The following GPC5 variants were observed in gnomAD, a reference collection of about 807,000 sequenced individuals.
GPC5 encodes glypican 5, also known as glypican-5.
A neutral mutation model predicts 53.9 loss-of-function variants in GPC5; 47 were observed. The ratio of observed to expected loss-of-function variants is 0.87; its 90% CI spans 0.69 to 1.11. The LOEUF (loss-of-function observed/expected upper bound fraction) is 1.11. Ranked by LOEUF, GPC5 falls within the 50% of genes most tolerant of loss-of-function variation. The pLI is 0.00. For synonymous variants in GPC5, 286 were observed against 263.3 expected, an observed-to-expected ratio of 1.09 and a Z score of -0.84; for missense variants, 748 against 713.1, an observed-to-expected ratio of 1.05 and a Z score of -0.56.
chr13:92,367,620 A>C (rs1281254392), intron 7 of GPC5, among the ~76,000 whole-genome samples: 1 of 152,188 alleles, frequency 6.6e-6, no homozygotes, highest in East Asian at 1.9e-4. Flanking sequence ...GCTGAAAATA[A>C]TTTTACCATT....
At chr13:92,430,132 A>T (rs1423323057) in intron 7 of GPC5, among the ~76,000 whole-genome samples, 1 of 152,062 alleles carries the variant, frequency 6.6e-6, no homozygotes, top group Non-Finnish European at 1.5e-5. Flanking sequence ...AAAAATTTAA[A>T]GAAAAAAAAA....
intron 7 of GPC5, among the ~76,000 whole-genome samples, chr13:92,586,192 G>T (rs1410834839): frequency 1.3e-5 from 2 of 152,174 alleles, no homozygotes; most frequent in East Asian, 3.8e-4. Context: ...TTTCCAGTGT[G>T]TTCCCTGAAA....
intron 2 of GPC5, among the ~76,000 whole-genome samples, chr13:91,491,832 G>A (rs1033373949): frequency 2.0e-5 from 3 of 152,168 alleles, no homozygotes; most frequent in Non-Finnish European, 2.9e-5. Context: ...AATCCAGGAT[G>A]TTCTTATTTC....
chr13:92,320,533 T>A (rs931326470), intron 7 of GPC5, among the ~76,000 whole-genome samples: 2 of 152,210 alleles, frequency 1.3e-5, no homozygotes, highest in Admixed American at 1.3e-4. Flanking sequence ...CATATAAATA[T>A]AGTCATTCCT....
intron 7 of GPC5, among the ~76,000 whole-genome samples, chr13:92,578,092 T>C (rs781208713): frequency 1.3e-5 from 2 of 152,184 alleles, no homozygotes; most frequent in South Asian, 2.1e-4. Flanking sequence ...GGTTGGCCAT[T>C]GGCTCCCAAT....
In GPC5 at chr13:92,727,502, T is replaced by C. The variant is rs149274831; in HGVS notation, c.1562-138780T>C. 1.8e-3 allele frequency among the ~76,000 whole-genome samples: 272 copies of C among 151,564 alleles called. 2 individuals are homozygous for C. The highest frequency in any genetic ancestry group is 0.01 in the South Asian group (50 of 4,828). On this transcript the variant is annotated intron_variant, in intron 7 of 7. Coordinates refer to ENST00000377067, the MANE Select transcript of GPC5 (RefSeq NM_004466.6). ...CCAGAAATCAAGCCTGCTTTCCAAC[T>C]GATTTCTGCATGGGTGTCCACCTTT...
At chr13:92,429,821 G>A (rs576245442) in intron 7 of GPC5, among the ~76,000 whole-genome samples, 15 of 152,190 alleles carry the variant, frequency 9.9e-5, no homozygotes, top group African/African-American at 3.6e-4. Context: ...ATTACTGGGA[G>A]CGTAATACTA....
chr13:92,298,359 A>C (rs1464022619), intron 7 of GPC5, among the ~76,000 whole-genome samples: 4 of 152,132 alleles, frequency 2.6e-5, no homozygotes. Flanking sequence ...CAATCAGTTC[A>C]AATTGTTACA....
intron 7 of GPC5, among the ~76,000 whole-genome samples, chr13:92,175,720 T>C (rs1357697141): frequency 6.6e-6 from 1 of 152,210 alleles, no homozygotes; most frequent in African/African-American, 2.4e-5. Flanking sequence ...GCAATTATAA[T>C]TAGAAATCTT....
chr13:92,112,205 A>G (rs2138929114), intron 6 of GPC5, among the ~76,000 whole-genome samples: 1 of 152,262 alleles, frequency 6.6e-6, no homozygotes, highest in East Asian at 1.9e-4. Context: ...TTAGAAATGA[A>G]AAGAGTAAGC....
At chr13:92,523,534 CT>C (rs1408095668) in intron 7 of GPC5, among the ~76,000 whole-genome samples, 1 of 152,010 alleles carries the variant, frequency 6.6e-6, no homozygotes, top group Non-Finnish European at 1.5e-5. Flanking sequence ...TGATCTCCAT[CT>C]TTCAAATATG....
intron 6 of GPC5, among the ~76,000 whole-genome samples, chr13:91,912,759 T>G (rs1429881152): frequency 2.0e-5 from 3 of 152,202 alleles, no homozygotes; most frequent in Non-Finnish European, 4.4e-5. Context: ...TAATAAAGAC[T>G]AATAGGAATA....
chr13:92,006,605 T>C (rs2040609107), intron 6 of GPC5, among the ~76,000 whole-genome samples: 1 of 152,182 alleles, frequency 6.6e-6, no homozygotes, highest in African/African-American at 2.4e-5. Context: ...TGATCTTGTA[T>C]CAAATGTAGT....
chr13:91,438,868 C>T (rs569445634), intron 1 of GPC5, among the ~76,000 whole-genome samples: 47 of 152,298 alleles, frequency 3.1e-4, no homozygotes, highest in African/African-American at 1.1e-3. Context: ...TGGCGGGCGC[C>T]CCTCCCCCAG....
At chr13:91,858,675 C>T (rs7984987) in intron 5 of GPC5, among the ~76,000 whole-genome samples, 29,401 of 151,636 alleles carry the variant, frequency 0.19, 3,248 homozygotes, top group East Asian at 0.31. Context: ...CCTTGTAGAA[C>T]GAGTTTGGAA....
intron 7 of GPC5, among the ~76,000 whole-genome samples, chr13:92,275,494 A>G (rs1050813343): frequency 6.6e-6 from 1 of 152,188 alleles, no homozygotes; most frequent in Non-Finnish European, 1.5e-5. Flanking sequence ...ACAAGATAAT[A>G]TCCTTGCAAA....
At chr13:91,526,135 T>C (rs990933273) in intron 2 of GPC5, among the ~76,000 whole-genome samples, 2 of 152,160 alleles carry the variant, frequency 1.3e-5, no homozygotes, top group Non-Finnish European at 2.9e-5. Flanking sequence ...CCAAATACGA[T>C]CTGAATTTGG....
chr13:92,645,695 GTTATC>G (rs1566339679), intron 7 of GPC5, among the ~76,000 whole-genome samples: 2 of 151,988 alleles, frequency 1.3e-5, no homozygotes, highest in Non-Finnish European at 2.9e-5. Flanking sequence ...ACATGGTTTT[GTTATC>G]TTATCTTTAT....
chr13:92,496,914 G>A (rs535180879), intron 7 of GPC5, among the ~76,000 whole-genome samples: 6 of 152,280 alleles, frequency 3.9e-5, no homozygotes, highest in South Asian at 4.1e-4. Flanking sequence ...CAACTGAGGG[G>A]CATAGGGCAG....
Sources: gnomAD v4.1 joint callset for allele counts (sites outside exome capture counted in the v4.1 genomes callset) on GRCh38, gnomAD v4.1.1 for gene constraint, MANE v1.5 for transcripts, NCBI Gene and HGNC (gene_info 2026-07-23, HGNC 2026-07-21) for gene names.